The following BCAS3 variants were observed in gnomAD, a reference collection of about 807,000 sequenced individuals.
The protein encoded by BCAS3 is BCAS4/BCAS3 fusion.
Under a neutral mutation model 116.1 loss-of-function variants are expected in BCAS3, and 53 were observed. The observed-to-expected ratio is 0.46, with a 90% CI of 0.37 to 0.57. BCAS3 has a LOEUF of 0.57. Ranked by LOEUF, BCAS3 falls within the 20% of genes least tolerant of loss-of-function variation. The pLI is 0.00. For missense variants in BCAS3, 917 were observed against 1,165.4 expected (o/e 0.79, Z 3.10); for synonymous variants, 391 against 408.2 (o/e 0.96, Z 0.51).
intron 5 of BCAS3, among the ~76,000 whole-genome samples, chr17:60,713,759 TTGGTATTCATGGGTGGTTTG>T (rs2038211944): frequency 6.6e-6 from 1 of 152,188 alleles, no homozygotes; most frequent in African/African-American, 2.4e-5. Flanking sequence ...ATGATGGACT[TTGGTATTCATGGGTGGTTTG>T]TGGAACCAGT....
intron 22 of BCAS3, among the ~76,000 whole-genome samples, chr17:61,093,602 T>A (rs544987572): frequency 1.3e-4 from 20 of 151,984 alleles, no homozygotes; most frequent in Admixed American, 6.6e-4. Context: ...CAAAAAAAAA[T>A]TTTATTTTGA....
At chr17:60,881,597 C>G (rs1166385715) in intron 9 of BCAS3, among the ~76,000 whole-genome samples, 47 of 123,640 alleles carry the variant, frequency 3.8e-4, no homozygotes, top group Admixed American at 3.5e-3. Context: ...CCCCTCCCCC[C>G]ACCCCACCAC....
Position 61,145,265 on chromosome 17 carries a change from G to A in BCAS3, c.2425+60701G>A, listed in dbSNP as rs1250190948. Among the ~76,000 whole-genome samples the A allele has an allele frequency of 2.6e-5, 4 of 152,134 alleles. No individual in the cohort carries two copies. Among genetic ancestry groups the A allele is most frequent in the Non-Finnish European group, 5.9e-5 (4 of 68,042 alleles). On this transcript the variant is annotated intron_variant, in intron 22 of 23. Coordinates refer to ENST00000407086, the MANE Select transcript of BCAS3 (RefSeq NM_017679.5). The surrounding 1 kb of genome is among the most constrained non-coding windows in gnomAD (Gnocchi z 5.0). Reference sequence around the variant, plus strand: ...TCTGCCGTCTTCACCTTTGCTGATGGTTCTGCAACTCATCACCAGCTATGC... The same window carrying A: ...TCTGCCGTCTTCACCTTTGCTGATGATTCTGCAACTCATCACCAGCTATGC...
At chr17:61,163,794 T>C (rs8073894) in intron 22 of BCAS3, among the ~76,000 whole-genome samples, 111,161 of 151,752 alleles carry the variant, frequency 0.73, 41,572 homozygotes, top group South Asian at 0.89. Flanking sequence ...CGAGACCAGC[T>C]TGACCAACAT....
chr17:60,874,692 TGCTGCCTTTGATA>T lies in BCAS3; in HGVS notation c.620_632del (p.Ala207ValfsTer20). On this transcript the variant is annotated frameshift_variant, in exon 9 of 24. Transcript: ENST00000407086. LOFTEE classifies it high-confidence loss of function. Reference sequence around the variant, plus strand: ...TTGTCGTAGTCTTGCAGGAGAAAATTGCTGCCTTTGATAGCTGTACTTTCACGAAGAAATTCTT... The same window carrying T: ...TTGTCGTAGTCTTGCAGGAGAAAATTGCTGTACTTTCACGAAGAAATTCTT... 6.2e-7 allele frequency: 1 copy of T among 1,612,450 alleles called. No individual in the cohort carries two copies. The highest frequency in any genetic ancestry group is 8.5e-7 in the Non-Finnish European group (1 of 1,179,240).
intron 22 of BCAS3, among the ~76,000 whole-genome samples, chr17:61,298,822 A>ATTTATTTAT (rs374270128): frequency 0.049 from 6,629 of 134,564 alleles, 228 homozygotes; most frequent in African/African-American, 0.099. Context: ...TTATTTATTT[A>ATTTATTTAT]TTATTATTAT....
chr17:61,084,514 G>T lies in BCAS3; in HGVS notation c.2375G>T (p.Arg792Leu). 6.2e-7 allele frequency: 1 copy of T among 1,614,128 alleles called. No homozygotes were observed. Reference sequence around the variant, plus strand: ...CCCGTCAGCATGCCAGGGTCATCCCGTCCAGTCTCTGATCGAAGGGGAGTT... The same window carrying T: ...CCCGTCAGCATGCCAGGGTCATCCCTTCCAGTCTCTGATCGAAGGGGAGTT... ...SDPVSMPGSS[R>L]PVSDRRGVST... is the part of the protein sequence containing the mutation. The change falls in exon 22 of 24, where the codon CGT (arginine) becomes CTT (leucine). Residue 792 changes from arginine (R) to leucine (L), a missense_variant. By Grantham distance (102) the Arg-to-Leu change is moderately radical. Transcript: ENST00000407086. This position sits in a 1 kb window ranked among gnomAD's most constrained non-coding sequence, Gnocchi z 5.5.
chr17:60,806,516 TTC>T (rs2048301765), intron 6 of BCAS3, among the ~76,000 whole-genome samples: 1 of 152,074 alleles, frequency 6.6e-6, no homozygotes. Flanking sequence ...TTTAAGGAAT[TTC>T]TGTCATGTGT....
intron 13 of BCAS3, among the ~76,000 whole-genome samples, chr17:60,928,180 C>A (rs890105446): frequency 3.9e-5 from 6 of 152,068 alleles, no homozygotes; most frequent in Non-Finnish European, 8.8e-5. Flanking sequence ...GTTGCAAATG[C>A]ACAAACAGGG....
chr17:61,235,733 A>C lies in BCAS3; in HGVS notation c.2426-132594A>C, dbSNP rs961768449. ...AAAAAAAGGAGAAGAAGGAGAAAGA[A>C]AGACAAGGGAAAAAAATGGTTAGGG... On this transcript the variant is annotated intron_variant, in intron 22 of 23. Coordinates refer to ENST00000407086, the MANE Select transcript of BCAS3 (RefSeq NM_017679.5). This position sits in a 1 kb window ranked among gnomAD's most constrained non-coding sequence, Gnocchi z 5.0. Among the ~76,000 whole-genome samples, 5 of 152,106 alleles carry C rather than the reference A, an allele frequency of 3.3e-5. No homozygotes were observed. The highest frequency in any genetic ancestry group is 5.9e-5 in the Non-Finnish European group (4 of 68,006).
At chr17:61,067,736 A>C (rs1319327621) in intron 19 of BCAS3, among the ~76,000 whole-genome samples, 1 of 131,976 alleles carries the variant, frequency 7.6e-6, no homozygotes, top group Non-Finnish European at 1.5e-5. Context: ...CAAAAAAAAA[A>C]AAAAATATAT....
chr17:61,048,075 G>C (rs551166985), intron 19 of BCAS3, among the ~76,000 whole-genome samples: 1 of 152,042 alleles, frequency 6.6e-6, no homozygotes, highest in African/African-American at 2.4e-5. Context: ...GTGTATTATT[G>C]GGTGTATACT....
chr17:60,914,923 A>G (rs754681975), intron 12 of BCAS3, among the ~76,000 whole-genome samples: 3 of 152,166 alleles, frequency 2.0e-5, no homozygotes, highest in African/African-American at 7.2e-5. Context: ...AGTCATATGC[A>G]GATTTTCAGC....
chr17:61,306,951 A>G (rs2053903640), intron 22 of BCAS3, among the ~76,000 whole-genome samples: 2 of 151,982 alleles, frequency 1.3e-5, no homozygotes, highest in South Asian at 4.1e-4. Context: ...ATTCTTTGTG[A>G]TTTTCCTGGC....
At chr17:60,921,203 C>T (rs1377082883) in intron 12 of BCAS3, among the ~76,000 whole-genome samples, 6 of 152,174 alleles carry the variant, frequency 3.9e-5, no homozygotes, top group African/African-American at 1.4e-4. Context: ...ATGTGCTATT[C>T]ATCACCATGG....
chr17:60,756,985 T>C (rs2043044015), intron 6 of BCAS3, among the ~76,000 whole-genome samples: 1 of 152,038 alleles, frequency 6.6e-6, no homozygotes, highest in African/African-American at 2.4e-5. Flanking sequence ...CAACATGGTG[T>C]AACCCCGTTT....
chr17:61,245,783 T>C (rs1013653682), intron 22 of BCAS3, among the ~76,000 whole-genome samples: 1 of 152,004 alleles, frequency 6.6e-6, no homozygotes, highest in African/African-American at 2.4e-5. Flanking sequence ...TTCTTTTTCA[T>C]GTTAATGAAG....
At chr17:61,103,112 T>C (rs543579547) in intron 22 of BCAS3, among the ~76,000 whole-genome samples, 1 of 152,268 alleles carries the variant, frequency 6.6e-6, no homozygotes, top group Non-Finnish European at 1.5e-5. Flanking sequence ...ATTCTGATAT[T>C]TCAGACAAGA....
rs139655555 is a variant in BCAS3 at position 60,719,996 on chromosome 17, T to C, written c.321+10671T>C. Among the ~76,000 whole-genome samples the C allele has an allele frequency of 1.4e-3, 215 of 152,340 alleles. 2 individuals are homozygous for C. In the East Asian group the frequency reaches 0.017, roughly 12 times the overall value. On this transcript the variant is annotated intron_variant, in intron 5 of 23. Coordinates refer to ENST00000407086, the MANE Select transcript of BCAS3 (RefSeq NM_017679.5). ...ATTTGATTATTAGACTTACACTATG[T>C]TAAAAATCATGTAAAGCAAAAATTG...
Sources: allele counts gnomAD v4.1 joint callset (sites outside exome capture counted in the v4.1 genomes callset), GRCh38; gene constraint gnomAD v4.1.1; non-coding constraint Gnocchi (gnomAD v3.1); transcripts MANE v1.5; gene names NCBI Gene and HGNC (gene_info 2026-07-23, HGNC 2026-07-21).